SPOCK1: variants seen among roughly 807,000 people sequenced by gnomAD.
The protein encoded by SPOCK1 is testican-1.
Under a neutral mutation model 55.3 loss-of-function variants are expected in SPOCK1, and 23 were observed. The observed-to-expected ratio is 0.42, with a 90% confidence interval of 0.30 to 0.59. The LOEUF is 0.59. Ranked by LOEUF, SPOCK1 falls within the 20% of genes least tolerant of loss-of-function variation. SPOCK1 has a pLI of 0.22. For missense variants in SPOCK1, 499 were observed against 552.5 expected (o/e 0.90, Z 0.97); for synonymous variants, 226 against 221.0 (o/e 1.02, Z -0.20).
chr5:137,126,759 T>C (rs1176234142), intron 4 of SPOCK1, among the ~76,000 whole-genome samples: 2 of 149,856 alleles, frequency 1.3e-5, no homozygotes, highest in East Asian at 3.9e-4. Flanking sequence ...TCTCAAAAAA[T>C]AAAGAAACTA....
chr5:136,977,735 A>G lies in SPOCK1; in HGVS notation c.*919T>C, dbSNP rs1311446754. On this transcript the variant is annotated 3_prime_UTR_variant, in exon 11 of 11. Coordinates refer to ENST00000394945, the MANE Select transcript of SPOCK1 (RefSeq NM_004598.4). ...TCTGCGAGAAAAGTGATTTAGGCAG[A>G]CGGAGGTTTTTTCTCAATCAGAGGC... 3 of 398,768 alleles carry G rather than the reference A, an allele frequency of 7.5e-6. No homozygotes were observed. Among genetic ancestry groups the G allele is most frequent in the African/African-American group, 6.2e-5 (3 of 48,604 alleles). 24.7% of individuals were successfully genotyped at this position (398,768 alleles called of 1,614,324 possible). A position where few individuals can be genotyped will look rare whatever the true frequency, so the allele number is the denominator to read the frequency against.
intron 6 of SPOCK1, among the ~76,000 whole-genome samples, chr5:137,008,156 G>A (rs1181216010): frequency 7.3e-5 from 11 of 151,714 alleles, no homozygotes; most frequent in Non-Finnish European, 1.5e-5. Context: ...GGGGGCAAGG[G>A]GAAGAATAGC....
chr5:137,228,411 T>C (rs1755989092), intron 3 of SPOCK1, among the ~76,000 whole-genome samples: 1 of 152,088 alleles, frequency 6.6e-6, no homozygotes, highest in African/African-American at 2.4e-5. Flanking sequence ...GAGGCTGAGG[T>C]GGGTGGATCA....
intron 2 of SPOCK1, among the ~76,000 whole-genome samples, chr5:137,300,478 TTTATC>T (rs1757568599): frequency 6.6e-6 from 1 of 152,196 alleles, no homozygotes; most frequent in Admixed American, 6.5e-5. Context: ...TCTAGGTTCT[TTTATC>T]TTTCTTTTAA....
rs146956916 is a variant in SPOCK1 at position 137,118,059 on chromosome 5, C to T, written c.348-5498G>A. On this transcript the variant is annotated intron_variant, in intron 4 of 10. Coordinates refer to ENST00000394945, the MANE Select transcript of SPOCK1 (RefSeq NM_004598.4). ...CAAAAATTCAAACACTGTGAACTGTCATCCAACATTATTGGGTAGTACTCA... is the reference window on the plus strand; with the variant it reads ...CAAAAATTCAAACACTGTGAACTGTTATCCAACATTATTGGGTAGTACTCA... Among the ~76,000 whole-genome samples, 409 of 152,264 alleles carry T rather than the reference C, an allele frequency of 2.7e-3. 1 individual carries two copies. The highest frequency in any genetic ancestry group is 6.8e-3 in the Middle Eastern group (2 of 294).
At chr5:137,109,077 A>T (rs1409280781) in intron 5 of SPOCK1, among the ~76,000 whole-genome samples, 2 of 152,190 alleles carry the variant, frequency 1.3e-5, no homozygotes, top group African/African-American at 4.8e-5. Flanking sequence ...TGAGTGGCAG[A>T]GGTGAGTGAG....
At chr5:137,114,637 C>T (rs929021217) in intron 4 of SPOCK1, among the ~76,000 whole-genome samples, 1 of 152,198 alleles carries the variant, frequency 6.6e-6, no homozygotes, top group Non-Finnish European at 1.5e-5. Flanking sequence ...GGGTGGGACT[C>T]CTTGTGGTGA....
chr5:137,040,421 T>G (rs1318293726), intron 6 of SPOCK1, among the ~76,000 whole-genome samples: 1 of 152,202 alleles, frequency 6.6e-6, no homozygotes, highest in Non-Finnish European at 1.5e-5. Flanking sequence ...AGATAAGTGC[T>G]GGAGACAATC....
intron 3 of SPOCK1, among the ~76,000 whole-genome samples, chr5:137,206,100 T>C (rs1755517424): frequency 6.6e-6 from 1 of 152,242 alleles, no homozygotes; most frequent in South Asian, 2.1e-4. Context: ...ATATGTATCA[T>C]TCTTTACAAT....
rs866829131 is a variant in SPOCK1, at chr5:137,131,903, C to T, written c.347+8677G>A. Among the ~76,000 whole-genome samples the T allele has an allele frequency of 1.1e-3, 140 of 128,680 alleles. 3 individuals are homozygous for T. In the Middle Eastern group the frequency reaches 0.019, roughly 17 times the overall value. The allele number at this position is 128,680 out of a possible 152,430, so 84.4% of individuals were successfully genotyped here. On this transcript the variant is annotated intron_variant, in intron 4 of 10. Coordinates refer to ENST00000394945, the MANE Select transcript of SPOCK1 (RefSeq NM_004598.4). ...AGGAGAATGGCGTGAACCCGGGAGG[C>T]GGAGCTTGCAGTGAGCCGAGATCGC...
In SPOCK1 at chr5:136,977,579, G is replaced by GA. The variant is rs1017425659; in HGVS notation, c.*1074dup. On this transcript the variant is annotated 3_prime_UTR_variant, in exon 11 of 11. Coordinates refer to ENST00000394945, the MANE Select transcript of SPOCK1 (RefSeq NM_004598.4). ...ACAGGAGATATGTGTGCATGCCTTA[G>GA]AAAAAGCCCTTGAGTAGGTAAGGAA... is the stretch of plus-strand genomic sequence containing the variant. 1.0e-5 allele frequency: 4 copies of GA among 385,852 alleles called. No homozygotes were observed. Among genetic ancestry groups the GA allele is most frequent in the Non-Finnish European group, 1.8e-5 (4 of 218,510 alleles). 23.9% of individuals were successfully genotyped at this position (385,852 alleles called of 1,614,324 possible).
rs6880271 is a variant in SPOCK1 at position 137,349,462 on chromosome 5, C to T, written c.187-82407G>A. 3.3e-3 allele frequency among the ~76,000 whole-genome samples: 505 copies of T among 152,240 alleles called. 4 individuals carry two copies. The highest frequency in any genetic ancestry group is 0.012 in the African/African-American group (487 of 41,524). On this transcript the variant is annotated intron_variant, in intron 2 of 10. Transcript: ENST00000394945. ...GACTTGCTGAGACCAGGACTAGAGGCGGAAGATCAAGCTTACAGCATAGAT... is the reference window on the plus strand; with the variant it reads ...GACTTGCTGAGACCAGGACTAGAGGTGGAAGATCAAGCTTACAGCATAGAT...
At chr5:137,261,539 G>T (rs1242962458) in intron 3 of SPOCK1, among the ~76,000 whole-genome samples, 1 of 152,128 alleles carries the variant, frequency 6.6e-6, no homozygotes, top group Non-Finnish European at 1.5e-5. Context: ...CTATTCACGA[G>T]AACAGCATGA....
At chr5:137,422,756 T>C (rs945564719) in intron 2 of SPOCK1, among the ~76,000 whole-genome samples, 9 of 152,340 alleles carry the variant, frequency 5.9e-5, no homozygotes, top group Middle Eastern at 3.4e-3. Flanking sequence ...TGGAGTAGTT[T>C]GATCGTCTGA....
At chr5:137,031,960 T>C (rs1008706709) in intron 6 of SPOCK1, among the ~76,000 whole-genome samples, 3 of 149,828 alleles carry the variant, frequency 2.0e-5, no homozygotes, top group Non-Finnish European at 4.4e-5. Context: ...ATTATATATA[T>C]GCATGTGTGT....
chr5:137,314,996 G>A (rs1757852118), intron 2 of SPOCK1, among the ~76,000 whole-genome samples: 1 of 152,104 alleles, frequency 6.6e-6, no homozygotes, highest in South Asian at 2.1e-4. Flanking sequence ...GTGGCTGTAT[G>A]CACCAAAGTC....
intron 3 of SPOCK1, among the ~76,000 whole-genome samples, chr5:137,229,004 G>A (rs1756000695): frequency 6.6e-6 from 1 of 152,122 alleles, no homozygotes; most frequent in Admixed American, 6.6e-5. Flanking sequence ...TACAGGCACT[G>A]GGAGCAACCT....
At chr5:137,314,269 T>C (rs1757838375) in intron 2 of SPOCK1, among the ~76,000 whole-genome samples, 1 of 152,062 alleles carries the variant, frequency 6.6e-6, no homozygotes, top group African/African-American at 2.4e-5. Flanking sequence ...GAAAACATCA[T>C]TCTCTCACAT....
rs1750643356 is a variant in SPOCK1 at position 136,977,617 on chromosome 5, T to TAA, written c.*1036_*1037insTT. On this transcript the variant is annotated 3_prime_UTR_variant, in exon 11 of 11. Coordinates refer to ENST00000394945, the MANE Select transcript of SPOCK1 (RefSeq NM_004598.4). ...AGTAGGTAAGGAAGGAAGAAACCTA[T>TAA]GGCAGACAGGATTGCTGCAGCCAAG... 2.6e-6 allele frequency: 1 copy of TAA among 378,696 alleles called. No individual in the cohort carries two copies. Among genetic ancestry groups the TAA allele is most frequent in the African/African-American group, 2.2e-5 (1 of 44,484 alleles). The allele number at this position is 378,696 out of a possible 1,614,324, so 23.5% of individuals were successfully genotyped here. A position where few individuals can be genotyped will look rare whatever the true frequency, so the allele number is the denominator to read the frequency against.
Sources: gnomAD v4.1 joint callset for allele counts (sites outside exome capture counted in the v4.1 genomes callset) on GRCh38, gnomAD v4.1.1 for gene constraint, MANE v1.5 for transcripts, NCBI Gene and HGNC (gene_info 2026-07-23, HGNC 2026-07-21) for gene names.